The following CMIP variants were observed in gnomAD, a reference collection of about 807,000 sequenced individuals.
CMIP encodes the protein C-Maf-inducing protein.
A neutral mutation model predicts 97.3 loss-of-function variants in CMIP; 13 were observed. That is an observed-to-expected ratio of 0.13 (90% CI 0.09 to 0.21). The LOEUF (loss-of-function observed/expected upper bound fraction) is 0.21, where lower values mean the gene tolerates loss of function less well. Among genes scored for constraint, CMIP ranks in the 10% least tolerant of loss-of-function variants. The pLI is 1.00. For synonymous variants in CMIP, 538 were observed against 436.3 expected, an observed-to-expected ratio of 1.23 and a Z score of -2.91; for missense variants, 847 against 1,024.9, an observed-to-expected ratio of 0.83 and a Z score of 2.37.
At chr16:81,601,932 G>T (rs1053741446) in intron 1 of CMIP, among the ~76,000 whole-genome samples, 1 of 152,218 alleles carries the variant, frequency 6.6e-6, no homozygotes, top group Non-Finnish European at 1.5e-5. Context: ...GGGCTCTCCG[G>T]TTCCCTTTAA....
intron 1 of CMIP, among the ~76,000 whole-genome samples, chr16:81,584,420 G>A (rs1259417812): frequency 6.6e-6 from 1 of 152,024 alleles, no homozygotes; most frequent in African/African-American, 2.4e-5. Context: ...TTTTTAGGTT[G>A]TTTGTTTCAA....
rs772193935 is a variant in CMIP, at chr16:81,621,104, C to T, written c.477+178C>T. 1.6e-6 allele frequency: 1 copy of T among 631,714 alleles called. No individual in the cohort carries two copies. The highest frequency in any genetic ancestry group is 2.7e-6 in the Non-Finnish European group (1 of 364,658). 39.1% of individuals were successfully genotyped at this position (631,714 alleles called of 1,614,324 possible). On this transcript the variant is annotated intron_variant, in intron 3 of 20. Transcript: ENST00000537098. The surrounding 1 kb of genome is among the most constrained non-coding windows in gnomAD (Gnocchi z 4.1). ...GCCCTTCGTCCTCTGCTGTTCAATT[C>T]CTGTCCCCTGCAGTGCTGAAATAGC...
intron 3 of CMIP, among the ~76,000 whole-genome samples, chr16:81,626,782 A>G (rs1396195868): frequency 3.0e-5 from 2 of 66,552 alleles, no homozygotes; most frequent in Admixed American, 1.9e-4. Context: ...TGACAGAGAG[A>G]GAGAGAGTGT....
chr16:81,631,251 G>A (rs942401162), intron 3 of CMIP: 3 of 152,374 alleles, frequency 2.0e-5, no homozygotes, highest in Admixed American at 6.5e-5. Flanking sequence ...TGAAGCAGGA[G>A]CTGAGGAAGC....
At chr16:81,608,807 C>G (rs1481391853) in intron 2 of CMIP, among the ~76,000 whole-genome samples, 1 of 152,242 alleles carries the variant, frequency 6.6e-6, no homozygotes, top group Admixed American at 6.5e-5. Flanking sequence ...AGAAAATTTA[C>G]TCTCTTATCA....
chr16:81,485,126 C>T (rs56207323), intron 1 of CMIP, among the ~76,000 whole-genome samples: 2 of 152,100 alleles, frequency 1.3e-5, no homozygotes, highest in East Asian at 1.9e-4. Context: ...TTTTTTATTC[C>T]GACATCATTT....
At chr16:81,530,174 C>G (rs920956053) in intron 1 of CMIP, among the ~76,000 whole-genome samples, 2 of 152,186 alleles carry the variant, frequency 1.3e-5, no homozygotes, top group African/African-American at 4.8e-5. Flanking sequence ...CATTCAGGAT[C>G]AAGGAAAGTC....
chr16:81,670,434 C>T (rs963315182), intron 8 of CMIP, among the ~76,000 whole-genome samples, 189 bp downstream of exon 8: 1 of 152,128 alleles, frequency 6.6e-6, no homozygotes, highest in Non-Finnish European at 1.5e-5. Context: ...ACTGCTGTTT[C>T]CTCAGGTCCC....
At chr16:81,640,770 G>GTGTGTGTCTC (rs376370488) in intron 3 of CMIP, among the ~76,000 whole-genome samples, 10 of 135,586 alleles carry the variant, frequency 7.4e-5, no homozygotes, top group South Asian at 2.4e-4. Context: ...GTGTGTGTGT[G>GTGTGTGTCTC]TCTCTCTCTC....
chr16:81,658,074 C>G (rs1408118087), intron 5 of CMIP, among the ~76,000 whole-genome samples: 1 of 152,192 alleles, frequency 6.6e-6, no homozygotes, highest in Non-Finnish European at 1.5e-5. Context: ...CTCCTTCCTG[C>G]GTCTCTGCCT....
chr16:81,696,706 C>T lies in CMIP; in HGVS notation c.1638+39C>T, dbSNP rs746286727. The T allele has an allele frequency of 9.5e-6, 15 of 1,578,564 alleles. No homozygotes were observed. In the African/African-American group the frequency reaches 1.9e-4, roughly 20 times the overall value. On this transcript the variant is annotated intron_variant, in intron 14 of 20. Coordinates refer to ENST00000537098, the MANE Select transcript of CMIP (RefSeq NM_198390.3). ...CCCCAGTGGGGTGACTTCCAGGGGT[C>T]CCTGGGCTTGCCATGCCTGACTAGT...
At position 81,510,190 on chromosome 16, in the gene CMIP, T is replaced by C. The variant is rs62046585; in HGVS notation, c.300+64649T>C. ...CGGGGCTGCCACCCTCTTTGTGTTA[T>C]AGTTCTCAAGGTCTGATCGGGGACG... On this transcript the variant is annotated intron_variant, in intron 1 of 20. Transcript: ENST00000537098. Among the ~76,000 whole-genome samples the C allele has an allele frequency of 4.8e-3, 724 of 152,294 alleles. 4 individuals are homozygous for C. The highest frequency in any genetic ancestry group is 6.5e-3 in the Non-Finnish European group (441 of 68,032).
In CMIP at chr16:81,704,028, C is replaced by T. The variant is rs148329969; in HGVS notation, c.2034C>T (p.Cys678=). The T allele has an allele frequency of 2.7e-4, 435 of 1,605,452 alleles. No homozygotes were observed. The African/African-American group carries it at 4.1e-3, about 15-fold the overall frequency. Residue 678 remains cysteine, a synonymous_variant, in exon 18 of 21, where the codon TGC becomes TGT. Coordinates refer to ENST00000537098, the MANE Select transcript of CMIP (RefSeq NM_198390.3). The part of the protein sequence containing the change: ...SLAFTNVTSA[C]AEHLIKLPSL... ...CCTTCACCAATGTAACCAGTGCCTG[C>T]GCCGAGCACCTCATCAAACTGCCTT...
rs192146234 is a variant in CMIP at position 81,479,681 on chromosome 16, C to T, written c.300+34140C>T. ...TGAGATTTACATAACATAAAATCAACCATTTTAAAGTGAAGAATTCAGTGA... is the reference window on the plus strand; with the variant it reads ...TGAGATTTACATAACATAAAATCAATCATTTTAAAGTGAAGAATTCAGTGA... On this transcript the variant is annotated intron_variant, in intron 1 of 20. Transcript: ENST00000537098. Among the ~76,000 whole-genome samples the T allele has an allele frequency of 9.3e-4, 141 of 152,146 alleles. 1 individual carries two copies. Among genetic ancestry groups the T allele is most frequent in the Non-Finnish European group, 7.4e-5 (5 of 68,004 alleles).
intron 1 of CMIP, among the ~76,000 whole-genome samples, chr16:81,483,599 T>TCCTCTC (rs57518433): frequency 0.083 from 12,111 of 145,548 alleles, 556 homozygotes; most frequent in Middle Eastern, 0.12. Flanking sequence ...CTCTTCCTCT[T>TCCTCTC]CCTCTCCCTC....
intron 3 of CMIP, among the ~76,000 whole-genome samples, chr16:81,648,187 G>T (rs545253224): frequency 6.6e-6 from 1 of 151,038 alleles, no homozygotes; most frequent in African/African-American, 2.4e-5. Context: ...CTCTTCACCC[G>T]ACCATCGTGG....
intron 12 of CMIP, 110 bp downstream of exon 12, chr16:81,693,294 C>A: frequency 7.1e-7 from 1 of 1,399,284 alleles, no homozygotes. Flanking sequence ...CTCCTCTTGG[C>A]AGTTCTCTTG....
intron 1 of CMIP, 116 bp from the exon 2 acceptor site, chr16:81,607,451 C>G (rs2091762434): frequency 3.7e-6 from 5 of 1,343,554 alleles, no homozygotes; most frequent in Non-Finnish European, 5.1e-6. Flanking sequence ...AGCTCCTGCA[C>G]CAGCTCCATT....
chr16:81,566,383 G>A (rs78104266), intron 1 of CMIP, among the ~76,000 whole-genome samples: 2 of 152,212 alleles, frequency 1.3e-5, no homozygotes, highest in Non-Finnish European at 2.9e-5. Context: ...CACTGCTGCT[G>A]TTCCTTCCTT....
Sources: gnomAD v4.1 joint callset for allele counts (sites outside exome capture counted in the v4.1 genomes callset) on GRCh38, gnomAD v4.1.1 for gene constraint, Gnocchi (gnomAD v3.1) non-coding constraint, MANE v1.5 for transcripts, NCBI Gene and HGNC (gene_info 2026-07-23, HGNC 2026-07-21) for gene names.